SLCO5A1: variants seen among roughly 807,000 people sequenced by gnomAD.
SLCO5A1 encodes the protein solute carrier organic anion transporter family member 5A1.
Under a neutral mutation model 65.1 loss-of-function variants are expected in SLCO5A1, and 39 were observed. The ratio of observed to expected loss-of-function variants is 0.60; its 90% CI spans 0.46 to 0.78. SLCO5A1 has a LOEUF of 0.78. Among genes scored for constraint, SLCO5A1 ranks in the 30% least tolerant of loss-of-function variants. SLCO5A1 has a pLI of 0.00. For missense variants in SLCO5A1, 1,029 were observed against 1,069.4 expected (o/e 0.96, Z 0.53); for synonymous variants, 438 against 415.7 (o/e 1.05, Z -0.65).
chr8:69,682,286 A>G lies in SLCO5A1; in HGVS notation c.1680T>C (p.Gly560=). 2 of 1,612,152 alleles carry G rather than the reference A, an allele frequency of 1.2e-6. No individual in the cohort carries two copies. Among genetic ancestry groups the G allele is most frequent in the Non-Finnish European group, 1.7e-6 (2 of 1,179,216 alleles). The change falls in exon 7 of 10, where the codon GGT becomes GGC. Residue 560 remains glycine (G), a synonymous_variant. Transcript: ENST00000260126. ...CTGGCTCATACTCGTGTATTTTACA[A>G]CCACAATTAACGTTGCAGCTTCCTG... ...NLTGSCNVNC[G]CKIHEYEPVC...
chr8:69,701,332 C>T (rs1201291225), intron 6 of SLCO5A1, among the ~76,000 whole-genome samples: 1 of 152,198 alleles, frequency 6.6e-6, no homozygotes, highest in Non-Finnish European at 1.5e-5. Context: ...CAATGGACTT[C>T]CTTCTCAGCC....
At chr8:69,710,144 A>AAGC in intron 5 of SLCO5A1, among the ~76,000 whole-genome samples, 1 of 151,698 alleles carries the variant, frequency 6.6e-6, no homozygotes, top group African/African-American at 2.4e-5. Flanking sequence ...TCAGCCTCTC[A>AAGC]AGCAGCTAGG....
intron 2 of SLCO5A1, among the ~76,000 whole-genome samples, chr8:69,802,943 T>C (rs116386704): frequency 2.9e-4 from 44 of 152,328 alleles, no homozygotes; most frequent in African/African-American, 1.1e-3. Flanking sequence ...CACAGCACTG[T>C]CTGAGAACAG....
chr8:69,787,677 G>T (rs776696320), intron 2 of SLCO5A1, among the ~76,000 whole-genome samples: 3 of 152,174 alleles, frequency 2.0e-5, no homozygotes, highest in Non-Finnish European at 2.9e-5. Flanking sequence ...CTCAAATCAG[G>T]TCAGGTTAGG....
intron 4 of SLCO5A1, among the ~76,000 whole-genome samples, chr8:69,747,451 A>G (rs531142669): frequency 6.6e-6 from 1 of 152,320 alleles, no homozygotes; most frequent in African/African-American, 2.4e-5. Context: ...GTGCATCTGT[A>G]TTGAACACAT....
rs1418434342 is a variant in SLCO5A1 at position 69,670,815 on chromosome 8, T to C, written c.*2054A>G. The C allele has an allele frequency of 6.6e-6, 1 of 151,896 alleles. No homozygotes were observed. Among genetic ancestry groups the C allele is most frequent in the Admixed American group, 6.6e-5 (1 of 15,258 alleles). The allele number at this position is 151,896 out of a possible 1,614,324, so 9.4% of individuals were successfully genotyped here. ...CAGTATCTTAATGATCAGAAGAAAA[T>C]TAAGAAAACACCACACCTCTCCAAT... is the stretch of plus-strand genomic sequence containing the variant. On this transcript the variant is annotated 3_prime_UTR_variant, in exon 10 of 10. Coordinates refer to ENST00000260126, the MANE Select transcript of SLCO5A1 (RefSeq NM_030958.3).
At chr8:69,739,140 ATAGATG>A (rs1486424042) in intron 4 of SLCO5A1, among the ~76,000 whole-genome samples, 1 of 152,262 alleles carries the variant, frequency 6.6e-6, no homozygotes, top group Non-Finnish European at 1.5e-5. Flanking sequence ...AGCTGCAAAA[ATAGATG>A]TACATATATG....
At chr8:69,792,504 A>T (rs944436944) in intron 2 of SLCO5A1, among the ~76,000 whole-genome samples, 3 of 152,212 alleles carry the variant, frequency 2.0e-5, no homozygotes, top group Non-Finnish European at 4.4e-5. Flanking sequence ...AGCCTATGCC[A>T]GTGTTTGAGC....
intron 5 of SLCO5A1, among the ~76,000 whole-genome samples, chr8:69,709,226 T>C (rs564855455): frequency 6.6e-6 from 1 of 152,240 alleles, no homozygotes; most frequent in East Asian, 1.9e-4. Context: ...GTTTTATCTG[T>C]TTGCTAGGAT....
chr8:69,670,003 T>C lies in SLCO5A1; in HGVS notation c.*2866A>G, dbSNP rs1813284082. The C allele has an allele frequency of 6.6e-6, 1 of 152,176 alleles. No homozygotes were observed. The highest frequency in any genetic ancestry group is 6.5e-5 in the Admixed American group (1 of 15,280). 9.4% of individuals were successfully genotyped at this position (152,176 alleles called of 1,614,324 possible). On this transcript the variant is annotated 3_prime_UTR_variant, in exon 10 of 10. Coordinates refer to ENST00000260126, the MANE Select transcript of SLCO5A1 (RefSeq NM_030958.3). ...TGACTCTGAATTACTTTTGAATATT[T>C]TCAAGAATTAAATCCACCTATAAAG...
intron 6 of SLCO5A1, among the ~76,000 whole-genome samples, chr8:69,691,976 C>A (rs2959586): frequency 3.3e-5 from 5 of 152,102 alleles, no homozygotes; most frequent in Admixed American, 6.5e-5. Flanking sequence ...AGGCCGGACG[C>A]GGTGGCTCAC....
chr8:69,705,339 A>G (rs766833535), intron 5 of SLCO5A1, 110 bp from the exon 6 acceptor site: 4 of 840,202 alleles, frequency 4.8e-6, no homozygotes, highest in Non-Finnish European at 7.5e-6. Context: ...AAAAGTTACT[A>G]TAATCAATAC....
intron 2 of SLCO5A1, among the ~76,000 whole-genome samples, chr8:69,828,545 T>C (rs1586844452): frequency 6.7e-6 from 1 of 150,156 alleles, no homozygotes; most frequent in Admixed American, 6.7e-5. Context: ...GAGCTTCCAG[T>C]GAGCCGAGAC....
At chr8:69,772,837 A>C (rs1224906504) in intron 2 of SLCO5A1, 12 of 696,422 alleles carry the variant, frequency 1.7e-5, no homozygotes, top group African/African-American at 1.9e-5. Flanking sequence ...TCTGTGATGC[A>C]AGGCACTGGG....
chr8:69,721,578 A>G lies in SLCO5A1; in HGVS notation c.1424-16349T>C, dbSNP rs1451258181. Among the ~76,000 whole-genome samples the G allele has an allele frequency of 2.0e-5, 3 of 152,150 alleles. No individual in the cohort carries two copies. The East Asian group carries it at 5.8e-4, about 29-fold the overall frequency. On this transcript the variant is annotated intron_variant, in intron 5 of 9. Coordinates refer to ENST00000260126, the MANE Select transcript of SLCO5A1 (RefSeq NM_030958.3). The stretch of plus-strand genomic sequence containing the variant: ...AGTGCTCCCATAAACATACACTTAA[A>G]TTACAAATGTTTGTTATTTTCTTTG...
intron 2 of SLCO5A1, among the ~76,000 whole-genome samples, chr8:69,785,918 T>C (rs1563723993): frequency 6.6e-6 from 1 of 152,208 alleles, no homozygotes. Context: ...TGAATAGTCA[T>C]AGAAGCTATT....
At chr8:69,781,593 T>C (rs1818795269) in intron 2 of SLCO5A1, among the ~76,000 whole-genome samples, 1 of 152,218 alleles carries the variant, frequency 6.6e-6, no homozygotes, top group African/African-American at 2.4e-5. Flanking sequence ...TCTTATTTAA[T>C]CTTCACTTCA....
At chr8:69,761,949 T>C (rs1226444245) in intron 2 of SLCO5A1, 74 bp from the exon 3 acceptor site, 15 of 1,550,236 alleles carry the variant, frequency 9.7e-6, no homozygotes, top group Non-Finnish European at 1.3e-5. Flanking sequence ...CATTTCACTC[T>C]CATACCACAG....
chr8:69,717,523 G>A (rs1815608876), intron 5 of SLCO5A1, among the ~76,000 whole-genome samples: 1 of 152,128 alleles, frequency 6.6e-6, no homozygotes, highest in African/African-American at 2.4e-5. Context: ...TTTGAAATTA[G>A]GAATTATGAG....
Sources: allele counts gnomAD v4.1 joint callset (sites outside exome capture counted in the v4.1 genomes callset), GRCh38; gene constraint gnomAD v4.1.1; transcripts MANE v1.5; gene names NCBI Gene and HGNC (gene_info 2026-07-23, HGNC 2026-07-21).